Variants in ZNF367 observed in about 807,000 individuals in gnomAD.
ZNF367 encodes the protein zinc finger protein 367, also known as C2H2 zinc finger protein ZFF29.
ZNF367 carries 11 observed loss-of-function variants against 31.8 expected under a neutral mutation model. The ratio of observed to expected loss-of-function variants is 0.35; its 90% CI spans 0.22 to 0.57. The LOEUF (loss-of-function observed/expected upper bound fraction) is 0.57, where lower values mean the gene tolerates loss of function less well. Among genes scored for constraint, ZNF367 ranks in the 20% least tolerant of loss-of-function variants. The pLI, the probability that ZNF367 is intolerant of heterozygous loss-of-function variation, is 0.85. For missense variants in ZNF367, 353 were observed against 484.1 expected (o/e 0.73, Z 2.54); for synonymous variants, 199 against 202.4 (o/e 0.98, Z 0.14).
chr9:96,405,648 T>A (rs1467236144), intron 1 of ZNF367, among the ~76,000 whole-genome samples: 3 of 152,058 alleles, frequency 2.0e-5, no homozygotes, highest in Non-Finnish European at 4.4e-5. Flanking sequence ...TGCTACAAAG[T>A]GGATGAACCT....
At chr9:96,414,886 G>A (rs1183974129) in intron 1 of ZNF367, among the ~76,000 whole-genome samples, 1 of 152,118 alleles carries the variant, frequency 6.6e-6, no homozygotes, top group Non-Finnish European at 1.5e-5. Context: ...GGGTGATCCA[G>A]AACTAGATTA....
chr9:96,415,221 ATT>A lies in ZNF367; in HGVS notation c.420+2390_420+2391del, dbSNP rs775576212. ...AGGCGCCAGCCACCACCCCTGGCCAATTTTTTTTTTTTTTTTTTTGTATTTTT... is the reference window on the plus strand; with the variant it reads ...AGGCGCCAGCCACCACCCCTGGCCAATTTTTTTTTTTTTTTTTGTATTTTT... On this transcript the variant is annotated intron_variant, in intron 1 of 4. Coordinates refer to ENST00000375256, the MANE Select transcript of ZNF367 (RefSeq NM_153695.4). 3.2e-3 allele frequency among the ~76,000 whole-genome samples: 412 copies of A among 128,850 alleles called. 2 individuals are homozygous for A. Among genetic ancestry groups the A allele is most frequent in the East Asian group, 0.013 (58 of 4,400 alleles). The allele number at this position is 128,850 out of a possible 152,430, so 84.5% of individuals were successfully genotyped here.
intron 1 of ZNF367, among the ~76,000 whole-genome samples, chr9:96,405,314 CAAAAAAA>C (rs975848691): frequency 5.4e-5 from 3 of 55,132 alleles, no homozygotes; most frequent in African/African-American, 1.3e-4. Context: ...AACTCTGTCT[CAAAAAAA>C]AAAAAAAAAA....
chr9:96,386,901 T>TGG lies in ZNF367; in HGVS notation c.*1335_*1336insCC, dbSNP rs1277120996. The stretch of plus-strand genomic sequence containing the variant: ...GAGCCCATATTTCCCTCTATTACTC[T>TGG]GAGTTTTACTCCAATTAAGCGATCT... On this transcript the variant is annotated 3_prime_UTR_variant, in exon 5 of 5. Transcript: ENST00000375256. The TGG allele has an allele frequency of 6.6e-6, 1 of 152,190 alleles. No individual in the cohort carries two copies. Among genetic ancestry groups the TGG allele is most frequent in the Non-Finnish European group, 1.5e-5 (1 of 68,022 alleles). 9.4% of individuals were successfully genotyped at this position (152,190 alleles called of 1,614,324 possible). A position where few individuals can be genotyped will look rare whatever the true frequency, so the allele number is the denominator to read the frequency against.
chr9:96,391,080 C>T (rs189135235), intron 4 of ZNF367, among the ~76,000 whole-genome samples: 140 of 152,078 alleles, frequency 9.2e-4, no homozygotes, highest in African/African-American at 3.3e-3. Context: ...TTTCCCTGGA[C>T]GTGAATAATC....
intron 1 of ZNF367, among the ~76,000 whole-genome samples, chr9:96,399,544 G>T (rs777443861): frequency 2.2e-4 from 33 of 152,248 alleles, no homozygotes; most frequent in Admixed American, 4.6e-4. Context: ...AGTGTCGGGC[G>T]TGGTAGCTTA....
rs1391033868 is a variant in ZNF367, at chr9:96,398,203, G to T, written c.532C>A (p.Arg178=). Residue 178 remains arginine (R), a synonymous_variant, in exon 2 of 5, where the codon CGG becomes AGG. Coordinates refer to ENST00000375256, the MANE Select transcript of ZNF367 (RefSeq NM_153695.4). The part of the protein sequence containing the change: ...RCNICNRVFP[R]EKSLQAHKRT... The stretch of plus-strand genomic sequence containing the variant: ...TTGTGAGCCTGGAGCGATTTCTCCC[G>T]TGGAAACACCCTATTACAGATGTTA... 5.0e-6 allele frequency: 8 copies of T among 1,599,032 alleles called. No individual in the cohort carries two copies. Among genetic ancestry groups the T allele is most frequent in the Non-Finnish European group, 6.8e-6 (8 of 1,172,060 alleles).
chr9:96,391,574 A>G (rs916007786), intron 4 of ZNF367, among the ~76,000 whole-genome samples: 1 of 152,030 alleles, frequency 6.6e-6, no homozygotes, highest in African/African-American at 2.4e-5. Flanking sequence ...ACTTTACCCT[A>G]AGCAGCCAGT....
rs149505566 is a variant in ZNF367 at position 96,408,391 on chromosome 9, G to A, written c.420+9222C>T. On this transcript the variant is annotated intron_variant, in intron 1 of 4. Transcript: ENST00000375256. ...GAATGGATAAATAGTGCTATATACA[G>A]TTTAGCCTAAGCAAACTCAGTGTGT... is the stretch of plus-strand genomic sequence containing the variant. Among the ~76,000 whole-genome samples the A allele has an allele frequency of 2.2e-3, 341 of 152,252 alleles. 2 individuals carry two copies. Among genetic ancestry groups the A allele is most frequent in the African/African-American group, 7.4e-3 (308 of 41,536 alleles).
At chr9:96,414,508 T>C (rs1831792866) in intron 1 of ZNF367, among the ~76,000 whole-genome samples, 1 of 151,750 alleles carries the variant, frequency 6.6e-6, no homozygotes, top group Non-Finnish European at 1.5e-5. Flanking sequence ...TAAGACGGAG[T>C]CTCACTGTGG....
At chr9:96,396,744 C>G (rs185619552) in intron 2 of ZNF367, among the ~76,000 whole-genome samples, 1 of 151,858 alleles carries the variant, frequency 6.6e-6, no homozygotes, top group Non-Finnish European at 1.5e-5. Flanking sequence ...CTTGGCTCAC[C>G]GCAACCTCCA....
intron 1 of ZNF367, among the ~76,000 whole-genome samples, chr9:96,408,740 A>T (rs1413853170): frequency 6.6e-6 from 1 of 152,206 alleles, no homozygotes; most frequent in Admixed American, 6.5e-5. Flanking sequence ...AAAAATGGTT[A>T]AGGTAGAAAA....
chr9:96,410,748 C>T (rs1477671308), intron 1 of ZNF367, among the ~76,000 whole-genome samples: 2 of 148,102 alleles, frequency 1.4e-5, no homozygotes, highest in East Asian at 2.0e-4. Flanking sequence ...TGTGGTGGCA[C>T]GCGCCTATAG....
intron 1 of ZNF367, among the ~76,000 whole-genome samples, chr9:96,414,486 A>AT (rs112053502): frequency 9.0e-4 from 133 of 148,354 alleles, no homozygotes; most frequent in South Asian, 2.3e-3. Context: ...CTTGTTAGCA[A>AT]TTTTTTTTTT....
chr9:96,418,217 G>GGGTCC lies in ZNF367; in HGVS notation c.-186_-185insGGACC. 1.1e-6 allele frequency: 1 copy of GGGTCC among 900,448 alleles called. No individual in the cohort carries two copies. The highest frequency in any genetic ancestry group is 1.5e-6 in the Non-Finnish European group (1 of 681,632). 55.8% of individuals were successfully genotyped at this position (900,448 alleles called of 1,614,324 possible). The stretch of plus-strand genomic sequence containing the variant: ...CAGACGGCACCGGCGGGCAGGGCTG[G>GGGTCC]ACCCCAGCCCCAGGTCAAGCGCGCC... On this transcript the variant is annotated 5_prime_UTR_variant, in exon 1 of 5. Transcript: ENST00000375256.
intron 1 of ZNF367, among the ~76,000 whole-genome samples, chr9:96,412,815 C>A (rs1489942039): frequency 6.6e-6 from 1 of 151,380 alleles, no homozygotes; most frequent in Non-Finnish European, 1.5e-5. Flanking sequence ...CATGCCTCAG[C>A]CTCCCGAGTA....
chr9:96,401,866 G>A (rs894931729), intron 1 of ZNF367, among the ~76,000 whole-genome samples: 2 of 151,618 alleles, frequency 1.3e-5, no homozygotes, highest in African/African-American at 4.8e-5. Context: ...AGGTGCAGTG[G>A]TGTGTGCCTA....
chr9:96,402,330 A>AAT (rs1212351519), intron 1 of ZNF367, among the ~76,000 whole-genome samples: 2 of 152,090 alleles, frequency 1.3e-5, no homozygotes, highest in Non-Finnish European at 2.9e-5. Context: ...AACTTTTAGA[A>AAT]ATATATATAC....
chr9:96,410,259 A>AT (rs1831727009), intron 1 of ZNF367, among the ~76,000 whole-genome samples: 1 of 140,386 alleles, frequency 7.1e-6, no homozygotes, highest in Non-Finnish European at 1.6e-5. Context: ...ACTCTGTCTC[A>AT]AAAAAAAAAG....
Sources: allele counts gnomAD v4.1 joint callset (sites outside exome capture counted in the v4.1 genomes callset), GRCh38; gene constraint gnomAD v4.1.1; transcripts MANE v1.5; gene names NCBI Gene and HGNC (gene_info 2026-07-23, HGNC 2026-07-21).